Variants in NHEJ1 observed in about 807,000 individuals in gnomAD.
NHEJ1 encodes non-homologous end joining factor 1, also known as non-homologous end-joining factor 1.
Under a neutral mutation model 39.4 loss-of-function variants are expected in NHEJ1, and 22 were observed. The ratio of observed to expected loss-of-function variants is 0.56; its 90% CI spans 0.40 to 0.80. The LOEUF (loss-of-function observed/expected upper bound fraction) is 0.80. NHEJ1 is among the 30% of genes least tolerant of loss of function. The probability of loss-of-function intolerance (pLI) is 0.00; values close to 1 mark genes in which losing one functional copy is unlikely to be tolerated. For missense variants in NHEJ1, 329 were observed against 357.1 expected (o/e 0.92, Z 0.63); for synonymous variants, 154 against 135.6 (o/e 1.14, Z -0.94).
chr2:219,145,942 T>TAA (rs796264986), intron 5 of NHEJ1, among the ~76,000 whole-genome samples: 9 of 92,916 alleles, frequency 9.7e-5, no homozygotes, highest in African/African-American at 3.0e-4. Flanking sequence ...CAAAAAAAAA[T>TAA]AAAAAAAAAA....
intron 5 of NHEJ1, among the ~76,000 whole-genome samples, chr2:219,104,969 G>C (rs1040357596): frequency 1.3e-5 from 2 of 152,212 alleles, no homozygotes; most frequent in South Asian, 4.1e-4. Context: ...CATCAGCTGG[G>C]GTGGCAGGCA....
At chr2:219,076,997 G>C (rs1949019888) in intron 7 of NHEJ1, among the ~76,000 whole-genome samples, 1 of 152,172 alleles carries the variant, frequency 6.6e-6, no homozygotes. Context: ...GCCATCACCG[G>C]AAGTGGGATA....
intron 5 of NHEJ1, among the ~76,000 whole-genome samples, chr2:219,119,674 T>C (rs1033037317): frequency 6.6e-6 from 1 of 152,184 alleles, no homozygotes; most frequent in African/African-American, 2.4e-5. Flanking sequence ...GATCTTTGAA[T>C]TGAGTGGACC....
rs565314037 is a variant in NHEJ1 at position 219,076,604 on chromosome 2, C to G, written c.826-149G>C. 6 of 710,996 alleles carry G rather than the reference C, an allele frequency of 8.4e-6. No homozygotes were observed. In the African/African-American group the frequency reaches 9.6e-5, roughly 11 times the overall value. The allele number at this position is 710,996 out of a possible 1,614,324, so 44.0% of individuals were successfully genotyped here. On this transcript the variant is annotated intron_variant, in intron 7 of 7. Coordinates refer to ENST00000356853, the MANE Select transcript of NHEJ1 (RefSeq NM_024782.3). ...TTCCACCCAGGCTGGAGTACATGGG[C>G]ACAATCAGAGCTCACTGCAGCCTTG...
intron 5 of NHEJ1, among the ~76,000 whole-genome samples, chr2:219,080,377 T>C (rs1203935354): frequency 1.3e-5 from 2 of 151,404 alleles, no homozygotes; most frequent in Non-Finnish European, 2.9e-5. Context: ...GACAAAAAAT[T>C]AGCCGGGCAC....
chr2:219,137,101 C>T (rs968383157), intron 5 of NHEJ1, among the ~76,000 whole-genome samples: 1 of 150,858 alleles, frequency 6.6e-6, no homozygotes, highest in Non-Finnish European at 1.5e-5. Flanking sequence ...AGTGGTAACC[C>T]CTGGTTACTA....
rs1370871215 is a variant in NHEJ1 at position 219,159,513 on chromosome 2, TTATATATATATGCATATATATATGCA to T, written c.1-1177_1-1152del. ...TGCCCTTGTGACTTGTGACATAACTTTATATATATATGCATATATATATGCATATATATATATGCATATATATATGC... is the reference window on the plus strand; with the variant it reads ...TGCCCTTGTGACTTGTGACATAACTTTATATATATATGCATATATATATGC... On this transcript the variant is annotated intron_variant, in intron 1 of 7. Coordinates refer to ENST00000356853, the MANE Select transcript of NHEJ1 (RefSeq NM_024782.3). 3.6e-3 allele frequency among the ~76,000 whole-genome samples: 318 copies of T among 89,494 alleles called. 2 individuals are homozygous for T. The highest frequency in any genetic ancestry group is 0.014 in the African/African-American group (304 of 22,314). 58.7% of individuals were successfully genotyped at this position (89,494 alleles called of 152,430 possible).
chr2:219,091,268 C>T (rs188274391), intron 5 of NHEJ1, among the ~76,000 whole-genome samples: 4 of 152,214 alleles, frequency 2.6e-5, no homozygotes, highest in East Asian at 3.9e-4. Flanking sequence ...GAAACTTGGG[C>T]GACTTCTCAG....
chr2:219,108,088 C>G (rs1949330489), intron 5 of NHEJ1, among the ~76,000 whole-genome samples: 1 of 151,904 alleles, frequency 6.6e-6, no homozygotes, highest in African/African-American at 2.4e-5. Flanking sequence ...CCCGAGCCAA[C>G]CCCCACACCT....
intron 5 of NHEJ1, among the ~76,000 whole-genome samples, chr2:219,083,471 G>GAAA (rs34925453): frequency 0.019 from 2,850 of 147,436 alleles, 101 homozygotes; most frequent in African/African-American, 0.066. Flanking sequence ...AAAATTACTA[G>GAAA]AAAAAAAAAA....
chr2:219,076,937 T>A (rs1949019331), intron 7 of NHEJ1, among the ~76,000 whole-genome samples: 1 of 152,160 alleles, frequency 6.6e-6, no homozygotes. Context: ...AGATGTAGAT[T>A]CCCTTCTCCC....
chr2:219,142,328 G>C (rs1362020418), intron 5 of NHEJ1, among the ~76,000 whole-genome samples: 1 of 152,210 alleles, frequency 6.6e-6, no homozygotes, highest in East Asian at 1.9e-4. Flanking sequence ...TTGGTGTCAA[G>C]GGCTGATTCC....
At chr2:219,100,548 T>G (rs1234406211) in intron 5 of NHEJ1, among the ~76,000 whole-genome samples, 8 of 150,080 alleles carry the variant, frequency 5.3e-5, no homozygotes, top group African/African-American at 2.0e-4. Context: ...GAGTCAGAGG[T>G]TGCAGCGAGC....
At chr2:219,091,088 G>T (rs930652744) in intron 5 of NHEJ1, among the ~76,000 whole-genome samples, 9 of 152,008 alleles carry the variant, frequency 5.9e-5, no homozygotes, top group South Asian at 2.1e-4. Context: ...ATTCAGTTTG[G>T]GGGTAGAGAC....
In NHEJ1 at chr2:219,070,498, G is replaced by A. The variant is rs1017376862; in HGVS notation, c.*5883C>T. Reference sequence around the variant, plus strand: ...TGAGCCACTGCGCCTGGCCCACCACGCTAATTTTAAAAATGTTTTGCAAAG... The same window carrying A: ...TGAGCCACTGCGCCTGGCCCACCACACTAATTTTAAAAATGTTTTGCAAAG... On this transcript the variant is annotated 3_prime_UTR_variant, in exon 8 of 8. Coordinates refer to ENST00000356853, the MANE Select transcript of NHEJ1 (RefSeq NM_024782.3). Among the ~76,000 whole-genome samples, 5 of 151,372 alleles carry A rather than the reference G, an allele frequency of 3.3e-5. No homozygotes were observed. The highest frequency in any genetic ancestry group is 1.2e-4 in the African/African-American group (5 of 41,124).
In NHEJ1 at chr2:219,073,118, C is replaced by T. The variant is rs940131980; in HGVS notation, c.*3263G>A. Among the ~76,000 whole-genome samples the T allele has an allele frequency of 6.6e-6, 1 of 152,120 alleles. No homozygotes were observed. Among genetic ancestry groups the T allele is most frequent in the African/African-American group, 2.4e-5 (1 of 41,428 alleles). The stretch of plus-strand genomic sequence containing the variant: ...TCAAGAGATGTGAGCATCTCTCCTT[C>T]CCCCAGTGCTCACTGTGGGTGCGCT... On this transcript the variant is annotated 3_prime_UTR_variant, in exon 8 of 8. Transcript: ENST00000356853.
intron 5 of NHEJ1, among the ~76,000 whole-genome samples, chr2:219,109,464 C>T (rs1316195629): frequency 6.6e-6 from 1 of 152,198 alleles, no homozygotes; most frequent in Non-Finnish European, 1.5e-5. Context: ...CGGGCACCAA[C>T]GTGAAGGATC....
chr2:219,098,612 G>A (rs1246595134), intron 5 of NHEJ1, among the ~76,000 whole-genome samples: 1 of 152,116 alleles, frequency 6.6e-6, no homozygotes, highest in East Asian at 1.9e-4. Context: ...TAACTGCCTG[G>A]CAGCATTAAG....
At chr2:219,092,663 C>G (rs145372375) in intron 5 of NHEJ1, among the ~76,000 whole-genome samples, 2 of 152,174 alleles carry the variant, frequency 1.3e-5, no homozygotes, top group African/African-American at 2.4e-5. Flanking sequence ...CCTGAACTCA[C>G]GAACCCAGGG....
Sources: gnomAD v4.1 joint callset for allele counts (sites outside exome capture counted in the v4.1 genomes callset) on GRCh38, gnomAD v4.1.1 for gene constraint, MANE v1.5 for transcripts, NCBI Gene and HGNC (gene_info 2026-07-23, HGNC 2026-07-21) for gene names.